AKAP7: variants seen among roughly 807,000 people sequenced by gnomAD.
The protein encoded by AKAP7 is A-kinase anchoring protein 7.
AKAP7 carries 39 observed loss-of-function variants against 39.5 expected under a neutral mutation model. That is an observed-to-expected ratio of 0.99 (90% CI 0.76 to 1.29). AKAP7 has a LOEUF of 1.29. Ranked by LOEUF, AKAP7 falls within the 50% of genes most tolerant of loss-of-function variation. The probability of loss-of-function intolerance (pLI) is 0.00; values close to 1 mark genes in which losing one functional copy is unlikely to be tolerated. For synonymous variants in AKAP7, 140 were observed against 139.1 expected, an observed-to-expected ratio of 1.01 and a Z score of -0.05; for missense variants, 414 against 407.7, an observed-to-expected ratio of 1.02 and a Z score of -0.13.
intron 5 of AKAP7, among the ~76,000 whole-genome samples, chr6:131,190,747 GA>G: frequency 6.6e-6 from 1 of 152,072 alleles, no homozygotes; most frequent in South Asian, 2.1e-4. Flanking sequence ...AGGTAGTAAA[GA>G]ACAGTACAAA....
upstream of AKAP7, among the ~76,000 whole-genome samples, chr6:131,135,299 C>T (rs115049551): frequency 0.013 from 1,918 of 152,328 alleles, 20 homozygotes; most frequent in South Asian, 0.039. Flanking sequence ...CGTCGGAGGC[C>T]GCGGGGCTCG....
At chr6:131,150,674 A>G (rs375234362) in intron 2 of AKAP7, among the ~76,000 whole-genome samples, 1 of 152,326 alleles carries the variant, frequency 6.6e-6, no homozygotes, top group South Asian at 2.1e-4. Context: ...TACAACACAT[A>G]TTTATTGAGT....
chr6:131,192,216 G>A (rs1223448678), intron 5 of AKAP7, among the ~76,000 whole-genome samples: 1 of 152,142 alleles, frequency 6.6e-6, no homozygotes, highest in Non-Finnish European at 1.5e-5. Flanking sequence ...TAGTTTCATA[G>A]TTTGAGGTCT....
chr6:131,258,306 C>G (rs185468518), intron 7 of AKAP7, among the ~76,000 whole-genome samples: 39 of 152,278 alleles, frequency 2.6e-4, no homozygotes, highest in Admixed American at 2.5e-3. Context: ...AAAAAGAAAT[C>G]TGTGAGACCT....
At chr6:131,254,593 T>C (rs1034259951) in intron 7 of AKAP7, among the ~76,000 whole-genome samples, 2 of 152,224 alleles carry the variant, frequency 1.3e-5, no homozygotes, top group African/African-American at 2.4e-5. Flanking sequence ...GGATGAATGG[T>C]AAAGATGAAC....
At position 131,282,268 on chromosome 6, in the gene AKAP7, A is replaced by T; in HGVS notation, c.*542A>T. On this transcript the variant is annotated 3_prime_UTR_variant, in exon 8 of 8. Coordinates refer to ENST00000431975, the MANE Select transcript of AKAP7 (RefSeq NM_016377.4). Reference sequence around the variant, plus strand: ...TAGTAAATTATGTTTCATGTAAATGATATATTTTTGGTGAAATGCAACCTT... The same window carrying T: ...TAGTAAATTATGTTTCATGTAAATGTTATATTTTTGGTGAAATGCAACCTT... The T allele has an allele frequency of 1.5e-6, 2 of 1,360,552 alleles. No homozygotes were observed. The highest frequency in any genetic ancestry group is 1.9e-6 in the Non-Finnish European group (2 of 1,062,288). 84.3% of individuals were successfully genotyped at this position (1,360,552 alleles called of 1,614,324 possible).
chr6:131,197,799 C>T (rs568439837), intron 5 of AKAP7, among the ~76,000 whole-genome samples: 14 of 152,022 alleles, frequency 9.2e-5, no homozygotes, highest in Admixed American at 6.6e-4. Flanking sequence ...CTACGAAGTC[C>T]GGTGGAGTCA....
At chr6:131,218,802 A>G (rs1017220953) in intron 6 of AKAP7, among the ~76,000 whole-genome samples, 1 of 152,218 alleles carries the variant, frequency 6.6e-6, no homozygotes, top group Admixed American at 6.5e-5. Flanking sequence ...TGGAAGATCC[A>G]CTGACTTCCC....
At chr6:131,127,624 G>A in the AKAP7 span, among the ~76,000 whole-genome samples, 3 of 151,876 alleles carry the variant, frequency 2.0e-5, no homozygotes, top group Admixed American at 1.3e-4. Flanking sequence ...TTCTATATAC[G>A]AATTAAAATA....
intron 4 of AKAP7, among the ~76,000 whole-genome samples, chr6:131,165,625 G>T (rs1478415898): frequency 1.3e-5 from 2 of 152,086 alleles, no homozygotes; most frequent in Admixed American, 1.3e-4. Flanking sequence ...TCTTTGCCTG[G>T]GGCCTGGCAC....
chr6:131,237,357 C>T, intron 7 of AKAP7, among the ~76,000 whole-genome samples: 1 of 152,124 alleles, frequency 6.6e-6, no homozygotes, highest in Non-Finnish European at 1.5e-5. Context: ...GGATATTGGT[C>T]TAAAATTCTC....
intron 2 of AKAP7, among the ~76,000 whole-genome samples, chr6:131,158,379 C>T (rs1305243081): frequency 6.6e-6 from 1 of 152,054 alleles, no homozygotes; most frequent in East Asian, 1.9e-4. Context: ...AGAGGTGATC[C>T]CAAAGATGAA....
chr6:131,126,741 G>A, the AKAP7 span, among the ~76,000 whole-genome samples: 227 of 152,238 alleles, frequency 1.5e-3, no homozygotes, highest in African/African-American at 4.5e-3. Context: ...ATATTCATGC[G>A]TCTTGTCTCC....
In AKAP7 at chr6:131,135,616, T is replaced by C. The variant is rs1800465768; in HGVS notation, c.-148T>C. ...CCGCCGCCCGGGCCCCCGCAGCCTG[T>C]CGCTGGACCCCGCGCCGGCCCAGCG... On this transcript the variant is annotated 5_prime_UTR_variant, in exon 1 of 8. Coordinates refer to ENST00000431975, the MANE Select transcript of AKAP7 (RefSeq NM_016377.4). The C allele has an allele frequency of 2.9e-6, 2 of 686,596 alleles. No homozygotes were observed. The highest frequency in any genetic ancestry group is 3.6e-6 in the Non-Finnish European group (2 of 555,200). The allele number at this position is 686,596 out of a possible 1,614,324, so 42.5% of individuals were successfully genotyped here.
intron 6 of AKAP7, among the ~76,000 whole-genome samples, chr6:131,211,772 CAAAAAAAAA>C (rs202168206): frequency 3.6e-5 from 3 of 83,948 alleles, no homozygotes; most frequent in Admixed American, 1.2e-4. Context: ...GACTCCGTCT[CAAAAAAAAA>C]AAAAAAAAAA....
chr6:131,132,680 C>T (rs181963681), upstream of AKAP7, among the ~76,000 whole-genome samples: 42 of 152,192 alleles, frequency 2.8e-4, no homozygotes, highest in Non-Finnish European at 8.8e-5. Flanking sequence ...ATTCTTTCCT[C>T]ATCATGTTAT....
At chr6:131,140,322 A>G (rs769258037) in intron 1 of AKAP7, among the ~76,000 whole-genome samples, 1 of 151,910 alleles carries the variant, frequency 6.6e-6, no homozygotes, top group Non-Finnish European at 1.5e-5. Context: ...TATTATTACC[A>G]TTGTTACCGT....
chr6:131,236,391 C>CT (rs1811063443), intron 7 of AKAP7, among the ~76,000 whole-genome samples: 1 of 152,150 alleles, frequency 6.6e-6, no homozygotes, highest in Non-Finnish European at 1.5e-5. Flanking sequence ...AATGTGGGCT[C>CT]TTTTTTGGTT....
intron 7 of AKAP7, among the ~76,000 whole-genome samples, chr6:131,234,287 C>A (rs1810856300): frequency 6.6e-6 from 1 of 152,186 alleles, no homozygotes; most frequent in Admixed American, 6.5e-5. Context: ...TAGGCAAACA[C>A]AGCCGTGCTC....
Sources: allele counts gnomAD v4.1 joint callset (sites outside exome capture counted in the v4.1 genomes callset), GRCh38; gene constraint gnomAD v4.1.1; transcripts MANE v1.5; gene names NCBI Gene and HGNC (gene_info 2026-07-23, HGNC 2026-07-21).